NKIRAS1: variants seen among roughly 807,000 people sequenced by gnomAD.
NKIRAS1 encodes the protein NFKB inhibitor interacting Ras like 1.
In NKIRAS1, 16 loss-of-function variants were observed where a neutral mutation model predicts 19.8. The observed-to-expected ratio is 0.81, with a 90% CI of 0.55 to 1.23. The LOEUF (loss-of-function observed/expected upper bound fraction) is 1.23. Ranked by LOEUF, NKIRAS1 falls within the 50% of genes most tolerant of loss-of-function variation. NKIRAS1 has a pLI of 0.00. For missense variants in NKIRAS1, 184 were observed against 220.0 expected, an observed-to-expected ratio of 0.84 and a Z score of 1.04; for synonymous variants, 88 against 79.0, an observed-to-expected ratio of 1.11 and a Z score of -0.61.
At chr3:23,939,539 C>T (rs555373497) in intron 1 of NKIRAS1, among the ~76,000 whole-genome samples, 85 of 152,162 alleles carry the variant, frequency 5.6e-4, no homozygotes, top group African/African-American at 1.9e-3. Flanking sequence ...GCCAGGAGTT[C>T]GAGAACAGCC....
At chr3:23,921,874 C>T (rs1575124958), upstream of NKIRAS1, 1 of 466,970 alleles carries the variant, frequency 2.1e-6, no homozygotes, top group South Asian at 3.3e-5. Context: ...CACCCCCAGC[C>T]CAATTTTTAT....
rs1253044204 is a variant in NKIRAS1, at chr3:23,893,310, T to C, written c.364A>G (p.Ile122Val). 7 of 1,613,626 alleles carry C rather than the reference T, an allele frequency of 4.3e-6. No homozygotes were observed. The African/African-American group carries it at 9.3e-5, about 22-fold the overall frequency. ...EVAIVVLGNK[I>V]DLSEQRQVDA... Reference sequence around the variant, plus strand: ...ACTTGTCTCTGCTCAGAAAGGTCGATTTTGTTTCCTAATACCACAATTGCT... The same window carrying C: ...ACTTGTCTCTGCTCAGAAAGGTCGACTTTGTTTCCTAATACCACAATTGCT... Residue 122 changes from isoleucine to valine, a missense_variant, in exon 5 of 5, where the codon ATC becomes GTC. Physicochemically the swap from Ile to Val is conservative, Grantham distance 29. Transcript: ENST00000425478.
upstream of NKIRAS1, chr3:23,919,728 A>T (rs1237567346): frequency 1.5e-6 from 2 of 1,346,972 alleles, no homozygotes; most frequent in Non-Finnish European, 1.9e-6. Flanking sequence ...AGGGAGTTGT[A>T]TGTCAGTGTA....
upstream of NKIRAS1, chr3:23,919,768 A>G: frequency 7.7e-6 from 9 of 1,162,538 alleles, no homozygotes; most frequent in Non-Finnish European, 9.5e-6. Context: ...TAACAGGCTT[A>G]ATAAATTCTT....
At chr3:23,905,353 T>G (rs1438239617) in intron 3 of NKIRAS1, among the ~76,000 whole-genome samples, 1 of 152,258 alleles carries the variant, frequency 6.6e-6, no homozygotes, top group Non-Finnish European at 1.5e-5. Flanking sequence ...GTTGTACTTT[T>G]TGATCCATGT....
At position 23,922,318 on chromosome 3, in the gene NKIRAS1, AAC is replaced by A. The variant is rs1238528702; in HGVS notation, c.-139-10870_-139-10869del. On this transcript the variant is annotated intron_variant, in intron 1 of 4. Transcript: ENST00000421515. The surrounding 1 kb of genome is among the most constrained non-coding windows in gnomAD (Gnocchi z 4.2). ...ATTAATCCTTTTTTGCCAATGAGGA[AAC>A]ACAAAGATGAAGCAACTTGCTCAAA... 1 of 152,274 alleles carries A rather than the reference AAC, an allele frequency of 6.6e-6. No individual in the cohort carries two copies. Among genetic ancestry groups the A allele is most frequent in the Non-Finnish European group, 1.5e-5 (1 of 68,062 alleles). The allele number at this position is 152,274 out of a possible 1,614,324, so 9.4% of individuals were successfully genotyped here. A position where few individuals can be genotyped will look rare whatever the true frequency, so the allele number is the denominator to read the frequency against.
chr3:23,890,654 C>G lies in NKIRAS1; in HGVS notation c.*2441G>C, dbSNP rs1186516096. The G allele has an allele frequency of 1.3e-6, 2 of 1,543,200 alleles. No homozygotes were observed. The highest frequency in any genetic ancestry group is 1.8e-6 in the Non-Finnish European group (2 of 1,125,252). ...ATTATTTGTCTGTCACAGAAGAGAG[C>G]TGCTTATGATTTTGAAGGGGTCAGG... On this transcript the variant is annotated 3_prime_UTR_variant, in exon 5 of 5. Coordinates refer to ENST00000425478, the MANE Select transcript of NKIRAS1 (RefSeq NM_020345.4).
intron 4 of NKIRAS1, among the ~76,000 whole-genome samples, chr3:23,896,933 CGGT>C (rs1702052723): frequency 6.6e-6 from 1 of 151,710 alleles, no homozygotes; most frequent in Non-Finnish European, 1.5e-5. Flanking sequence ...GCTAGGCACA[CGGT>C]GGCTCACACT....
chr3:23,913,748 G>T (rs894887503), intron 1 of NKIRAS1, among the ~76,000 whole-genome samples: 20 of 152,098 alleles, frequency 1.3e-4, no homozygotes, highest in African/African-American at 4.8e-4. Flanking sequence ...AATATACAAA[G>T]GTGGTCATCT....
At chr3:23,901,179 C>CTTTT in intron 3 of NKIRAS1, 130 bp from the exon 4 acceptor site, 8 of 728,896 alleles carry the variant, frequency 1.1e-5, no homozygotes, top group African/African-American at 1.9e-5. Flanking sequence ...TTCTATTTTA[C>CTTTT]TTTTTTTTTT....
intron 1 of NKIRAS1, among the ~76,000 whole-genome samples, chr3:23,931,772 G>T (rs1276406433): frequency 6.6e-6 from 1 of 152,156 alleles, no homozygotes; most frequent in Admixed American, 6.5e-5. Context: ...GTTTCAGGAA[G>T]TAGCAAAGGG....
intron 1 of NKIRAS1, among the ~76,000 whole-genome samples, chr3:23,928,818 C>T (rs1207029662): frequency 2.0e-5 from 3 of 151,102 alleles, no homozygotes; most frequent in Admixed American, 1.3e-4. Flanking sequence ...ACGGTGAAGC[C>T]CCGTTTCTAA....
chr3:23,944,555 G>A (rs1705577153), intron 1 of NKIRAS1, among the ~76,000 whole-genome samples: 2 of 152,106 alleles, frequency 1.3e-5, no homozygotes, highest in Admixed American at 1.3e-4. Flanking sequence ...CATTCAAGGT[G>A]AAACGCCCAG....
At chr3:23,907,740 C>A (rs145775978) in intron 3 of NKIRAS1, among the ~76,000 whole-genome samples, 1 of 152,006 alleles carries the variant, frequency 6.6e-6, no homozygotes, top group Non-Finnish European at 1.5e-5. Context: ...CTTAATGAAG[C>A]AATAAAAATG....
At chr3:23,902,154 C>A (rs1173493576) in intron 3 of NKIRAS1, among the ~76,000 whole-genome samples, 3 of 151,600 alleles carry the variant, frequency 2.0e-5, no homozygotes, top group East Asian at 1.9e-4. Context: ...CATCCTATAC[C>A]CCCCCCAATC....
rs912547070 is a variant in NKIRAS1, at chr3:23,916,965, T to G, written c.-321A>C. 2 of 152,638 alleles carry G rather than the reference T, an allele frequency of 1.3e-5. No homozygotes were observed. Among genetic ancestry groups the G allele is most frequent in the Non-Finnish European group, 1.5e-5 (1 of 68,084 alleles). The allele number at this position is 152,638 out of a possible 1,614,324, so 9.5% of individuals were successfully genotyped here. On this transcript the variant is annotated 5_prime_UTR_variant, in exon 1 of 5. Transcript: ENST00000425478. ...GACGCCCAGGCCGCTCAGGCTCGAA[T>G]CTTGCGGAGCAGGGGGCGGGACAAT...
At position 23,890,789 on chromosome 3, in the gene NKIRAS1, G is replaced by T; in HGVS notation, c.*2306C>A. The T allele has an allele frequency of 2.1e-6, 1 of 473,812 alleles. No individual in the cohort carries two copies. The allele number at this position is 473,812 out of a possible 1,614,324, so 29.4% of individuals were successfully genotyped here. A position where few individuals can be genotyped will look rare whatever the true frequency, so the allele number is the denominator to read the frequency against. The stretch of plus-strand genomic sequence containing the variant: ...GTATCTTGCTACAGTAGACAGAATT[G>T]GTAATAGCAACTTTTAAAATTGTCA... On this transcript the variant is annotated 3_prime_UTR_variant, in exon 5 of 5. Transcript: ENST00000425478.
chr3:23,917,735 G>A (rs998761124), upstream of NKIRAS1: 2 of 1,079,120 alleles, frequency 1.9e-6, no homozygotes, highest in African/African-American at 3.2e-5. Flanking sequence ...TTGGTGCAGA[G>A]CCATTTTCAT....
At chr3:23,942,160 G>A (rs1705512251) in intron 1 of NKIRAS1, among the ~76,000 whole-genome samples, 1 of 151,996 alleles carries the variant, frequency 6.6e-6, no homozygotes. Flanking sequence ...TGTATTTTTA[G>A]TAGAGACGGG....
Sources: gnomAD v4.1 joint callset for allele counts (sites outside exome capture counted in the v4.1 genomes callset) on GRCh38, gnomAD v4.1.1 for gene constraint, Gnocchi (gnomAD v3.1) non-coding constraint, MANE v1.5 for transcripts, NCBI Gene and HGNC (gene_info 2026-07-23, HGNC 2026-07-21) for gene names.